The following TTLL4 variants were observed in gnomAD, a reference collection of about 807,000 sequenced individuals.
TTLL4 encodes the protein tubulin tyrosine ligase like 4.
Under a neutral mutation model 122.7 loss-of-function variants are expected in TTLL4, and 85 were observed. The observed-to-expected ratio is 0.69, with a 90% CI of 0.58 to 0.83. The LOEUF (loss-of-function observed/expected upper bound fraction) is 0.83, where lower values mean the gene tolerates loss of function less well. TTLL4 is among the 40% of genes least tolerant of loss of function. TTLL4 has a pLI of 0.00. For missense variants in TTLL4, 1,363 were observed against 1,488.6 expected (o/e 0.92, Z 1.39); for synonymous variants, 553 against 563.0 (o/e 0.98, Z 0.25).
intron 1 of TTLL4, among the ~76,000 whole-genome samples, chr2:218,711,478 C>T (rs986403427): frequency 6.6e-6 from 1 of 152,206 alleles, no homozygotes; most frequent in African/African-American, 2.4e-5. Flanking sequence ...GAATACGTTC[C>T]TAAACTCCAC....
At chr2:218,755,798 T>C (rs13412324), downstream of TTLL4, among the ~76,000 whole-genome samples, 75,604 of 151,978 alleles carry the variant, frequency 0.5, 19,551 homozygotes, top group African/African-American at 0.61. Flanking sequence ...GATAGAGACT[T>C]CTGTGTTTCA....
intron 2 of TTLL4, among the ~76,000 whole-genome samples, chr2:218,737,334 A>T (rs912939629): frequency 6.6e-6 from 1 of 152,170 alleles, no homozygotes; most frequent in Admixed American, 6.5e-5. Context: ...GCAGCTTCAC[A>T]GTGGTGGTGG....
In TTLL4 at chr2:218,755,224, C is replaced by A. The variant is rs1283691101; in HGVS notation, c.*835C>A. On this transcript the variant is annotated 3_prime_UTR_variant, in exon 20 of 20. Transcript: ENST00000392102. ...GGGAGGGTGGAAGGAGATGTGGTTT[C>A]TCTATAGTGCAACAAACATGGTTTC... The A allele has an allele frequency of 6.6e-6, 1 of 152,158 alleles. No individual in the cohort carries two copies. The highest frequency in any genetic ancestry group is 1.5e-5 in the Non-Finnish European group (1 of 68,072). The allele number at this position is 152,158 out of a possible 1,614,324, so 9.4% of individuals were successfully genotyped here.
At chr2:218,712,606 C>CT (rs1941745312) in intron 1 of TTLL4, among the ~76,000 whole-genome samples, 1 of 152,064 alleles carries the variant, frequency 6.6e-6, no homozygotes, top group South Asian at 2.1e-4. Context: ...CCAGGCTGGT[C>CT]TCAAACTCCT....
At position 218,753,571 on chromosome 2, in the gene TTLL4, C is replaced by T; in HGVS notation, c.3259-13C>T. 3 of 1,614,030 alleles carry T rather than the reference C, an allele frequency of 1.9e-6. No individual in the cohort carries two copies. Among genetic ancestry groups the T allele is most frequent in the East Asian group, 2.2e-5 (1 of 44,884 alleles). On this transcript the variant is annotated splice_polypyrimidine_tract_variant and intron_variant, in intron 18 of 19. Transcript: ENST00000392102. ...GCCAAGCCTTTTGGTCTCATTGCTT[C>T]CTTTGCTCTTAGTGGTCTCTCCCGA...
intron 14 of TTLL4, 113 bp from the exon 15 acceptor site, chr2:218,749,896 G>A: frequency 7.1e-7 from 1 of 1,411,552 alleles, no homozygotes; most frequent in Non-Finnish European, 9.6e-7. Context: ...TGTTTGAGCA[G>A]CTTTCATCTT....
chr2:218,726,045 AT>A (rs749760904), intron 1 of TTLL4, among the ~76,000 whole-genome samples: 10 of 151,398 alleles, frequency 6.6e-5, no homozygotes, highest in South Asian at 2.1e-4. Context: ...TTGCATGTTA[AT>A]TTTTTTTTCC....
chr2:218,755,654 G>A (rs1943137551), downstream of TTLL4, among the ~76,000 whole-genome samples: 1 of 152,148 alleles, frequency 6.6e-6, no homozygotes, highest in South Asian at 2.1e-4. Context: ...TTTTCTAGCA[G>A]TGGCACATAT....
chr2:218,712,638 C>T (rs1027521751), intron 1 of TTLL4, among the ~76,000 whole-genome samples: 4 of 152,120 alleles, frequency 2.6e-5, no homozygotes, highest in East Asian at 1.9e-4. Context: ...TCACCCGCCT[C>T]GGCCTCCCAA....
intron 1 of TTLL4, among the ~76,000 whole-genome samples, chr2:218,723,788 A>G (rs1942110243): frequency 6.6e-6 from 1 of 152,210 alleles, no homozygotes; most frequent in Non-Finnish European, 1.5e-5. Flanking sequence ...CAAGCTCATT[A>G]AAGAAAAATA....
At position 218,746,493 on chromosome 2, in the gene TTLL4, T is replaced by C. The variant is rs540007680; in HGVS notation, c.1974+262T>C. Reference sequence around the variant, plus strand: ...GTCCCTCTCCTGAACTCCAACCTCATAGGAGGGTGTAACTCTGAAATCCTG... The same window carrying C: ...GTCCCTCTCCTGAACTCCAACCTCACAGGAGGGTGTAACTCTGAAATCCTG... On this transcript the variant is annotated intron_variant, in intron 8 of 19. Coordinates refer to ENST00000392102, the MANE Select transcript of TTLL4 (RefSeq NM_014640.5). 2.2e-4 allele frequency: 115 copies of C among 511,492 alleles called. 1 individual carries two copies. In the South Asian group the frequency reaches 2.5e-3, roughly 11 times the overall value. 31.7% of individuals were successfully genotyped at this position (511,492 alleles called of 1,614,324 possible). A position where few individuals can be genotyped will look rare whatever the true frequency, so the allele number is the denominator to read the frequency against.
chr2:218,757,182 C>A (rs974156672), downstream of TTLL4, among the ~76,000 whole-genome samples: 1 of 152,192 alleles, frequency 6.6e-6, no homozygotes, highest in Non-Finnish European at 1.5e-5. Context: ...GCCCTGTGCC[C>A]TAGGTGGGAA....
rs779694513 is a variant in TTLL4 at position 218,751,764 on chromosome 2, G to A, written c.2934G>A (p.Lys978=). Residue 978 remains lysine (K), a synonymous_variant, in exon 16 of 20, where the codon AAG becomes AAA. Transcript: ENST00000392102. ...CTCCAGAGCATGTCACTGCACAGAA[G>A]ATGAAGAAAGCCTATTATCTGACCC... ...RMAPEHVTAQ[K]MKKAYYLTQK... is the part of the protein sequence containing the mutation. 4.3e-6 allele frequency: 7 copies of A among 1,613,508 alleles called. No homozygotes were observed. The highest frequency in any genetic ancestry group is 2.2e-5 in the East Asian group (1 of 44,856).
chr2:218,724,100 T>C (rs1391533171), intron 1 of TTLL4, among the ~76,000 whole-genome samples: 2 of 152,166 alleles, frequency 1.3e-5, no homozygotes, highest in Non-Finnish European at 2.9e-5. Flanking sequence ...CAGAGATATA[T>C]GTGAGAGAGA....
At position 218,742,152 on chromosome 2, in the gene TTLL4, T is replaced by C. The variant is rs1942720191; in HGVS notation, c.1661+1568T>C. On this transcript the variant is annotated intron_variant, in intron 5 of 19. Transcript: ENST00000392102. Reference sequence around the variant, plus strand: ...TTAAAAAAAATTTTTTTTGTAGAGTTGTGGGGGAAGGTCTCATTATATTAC... The same window carrying C: ...TTAAAAAAAATTTTTTTTGTAGAGTCGTGGGGGAAGGTCTCATTATATTAC... 4.6e-5 allele frequency among the ~76,000 whole-genome samples: 7 copies of C among 152,024 alleles called. No homozygotes were observed. The South Asian group carries it at 1.2e-3, about 27-fold the overall frequency.
Position 218,717,658 on chromosome 2 carries a change from C to T in TTLL4, c.-178+6621C>T, listed in dbSNP as rs558329336. On this transcript the variant is annotated intron_variant, in intron 1 of 19. Transcript: ENST00000392102. ...TAGGCTGTATTCTTGACCTTCCTCT[C>T]TTAGTAGGGCTTTAGGAGAGATATA... is the stretch of plus-strand genomic sequence containing the variant. Among the ~76,000 whole-genome samples, 9 of 152,302 alleles carry T rather than the reference C, an allele frequency of 5.9e-5. No homozygotes were observed. The South Asian group carries it at 1.9e-3, about 32-fold the overall frequency.
At chr2:218,712,077 A>G (rs1007876226) in intron 1 of TTLL4, among the ~76,000 whole-genome samples, 4 of 152,124 alleles carry the variant, frequency 2.6e-5, no homozygotes, top group Non-Finnish European at 5.9e-5. Flanking sequence ...TTTTCTGCGA[A>G]TAGAGAGGTG....
At position 218,747,815 on chromosome 2, in the gene TTLL4, A is replaced by G; in HGVS notation, c.2378+90A>G. ...AAACTAGAAGACACCAAACAGAAAAATAGTTTTTGTTAGCAAGGGGAAAGG... is the reference window on the plus strand; with the variant it reads ...AAACTAGAAGACACCAAACAGAAAAGTAGTTTTTGTTAGCAAGGGGAAAGG... On this transcript the variant is annotated intron_variant, in intron 11 of 19. Coordinates refer to ENST00000392102, the MANE Select transcript of TTLL4 (RefSeq NM_014640.5). This position sits in a 1 kb window ranked among gnomAD's most constrained non-coding sequence, Gnocchi z 4.7. 3 of 1,546,888 alleles carry G rather than the reference A, an allele frequency of 1.9e-6. No individual in the cohort carries two copies. The highest frequency in any genetic ancestry group is 2.6e-6 in the Non-Finnish European group (3 of 1,139,464).
At chr2:218,744,989 G>A in intron 5 of TTLL4, 120 bp from the exon 6 acceptor site, 1 of 1,371,712 alleles carries the variant, frequency 7.3e-7, no homozygotes, top group Non-Finnish European at 9.9e-7. Context: ...TTGAGCACCT[G>A]GCTTTTTAGA....
Sources: gnomAD v4.1 joint callset for allele counts (sites outside exome capture counted in the v4.1 genomes callset) on GRCh38, gnomAD v4.1.1 for gene constraint, Gnocchi (gnomAD v3.1) non-coding constraint, MANE v1.5 for transcripts, NCBI Gene and HGNC (gene_info 2026-07-23, HGNC 2026-07-21) for gene names.